IKBKE: variants seen among roughly 807,000 people sequenced by gnomAD.
IKBKE encodes the protein inhibitor of nuclear factor kappa-B kinase subunit epsilon.
Under a neutral mutation model 92.1 loss-of-function variants are expected in IKBKE, and 45 were observed. That is an observed-to-expected ratio of 0.49 (90% confidence interval 0.38 to 0.63). IKBKE has a LOEUF of 0.63. Among genes scored for constraint, IKBKE ranks in the 20% least tolerant of loss-of-function variants. The pLI, the probability that IKBKE is intolerant of heterozygous loss-of-function variation, is 0.00. For synonymous variants in IKBKE, 374 were observed against 380.3 expected, an observed-to-expected ratio of 0.98 and a Z score of 0.19; for missense variants, 700 against 932.8, an observed-to-expected ratio of 0.75 and a Z score of 3.25.
chr1:206,491,039 G>C (rs942226758), intron 17 of IKBKE, 181 bp downstream of exon 17: 1 of 638,854 alleles, frequency 1.6e-6, no homozygotes, highest in Non-Finnish European at 2.8e-6. Flanking sequence ...TAGTTGGAGG[G>C]AGACTTCTCA....
chr1:206,486,232 C>G (rs1257400000), intron 15 of IKBKE, among the ~76,000 whole-genome samples: 1 of 152,356 alleles, frequency 6.6e-6, no homozygotes, highest in South Asian at 2.1e-4. Flanking sequence ...GTGTGGGTAC[C>G]AAATTGCCTT....
At chr1:206,474,507 C>G (rs782392155) in intron 4 of IKBKE, 36 bp downstream of exon 4, 1 of 1,585,150 alleles carries the variant, frequency 6.3e-7, no homozygotes, top group South Asian at 1.1e-5. Context: ...TGGTCTTGTC[C>G]TTGACCCTTA....
intron 2 of IKBKE, among the ~76,000 whole-genome samples, chr1:206,472,024 C>T (rs570821942): frequency 5.3e-4 from 80 of 152,268 alleles, no homozygotes; most frequent in African/African-American, 1.9e-3. Context: ...CCCATGTGGC[C>T]GGATTGCCTG....
At chr1:206,472,869 T>A (rs1158824215) in intron 2 of IKBKE, 2 of 309,986 alleles carry the variant, frequency 6.5e-6, no homozygotes, top group African/African-American at 2.3e-5. Context: ...TGGGGAGAGG[T>A]GGTAGAGACA....
chr1:206,489,218 CAT>C (rs1301691847), intron 16 of IKBKE, among the ~76,000 whole-genome samples: 11 of 147,094 alleles, frequency 7.5e-5, no homozygotes, highest in African/African-American at 2.0e-4. Flanking sequence ...TTATATTTCA[CAT>C]ATATATATAT....
In IKBKE at chr1:206,494,594, T is replaced by C. The variant is rs868963552; in HGVS notation, c.2117+603T>C. 6.9e-3 allele frequency among the ~76,000 whole-genome samples: 586 copies of C among 85,376 alleles called. 5 individuals carry two copies. Among genetic ancestry groups the C allele is most frequent in the Non-Finnish European group, 8.9e-3 (403 of 45,210 alleles). 56.0% of individuals were successfully genotyped at this position (85,376 alleles called of 152,430 possible). On this transcript the variant is annotated intron_variant, in intron 21 of 21. Coordinates refer to ENST00000581977, the MANE Select transcript of IKBKE (RefSeq NM_014002.4). Reference sequence around the variant, plus strand: ...TTGCATACCAGTAAAAGTTCTTTCTTTTTTTTTTTTTTTTTTTTTTTTTTT... The same window carrying C: ...TTGCATACCAGTAAAAGTTCTTTCTCTTTTTTTTTTTTTTTTTTTTTTTTT...
rs1342059956 is a variant in IKBKE, at chr1:206,485,567, G to A, written c.1616+261G>A. 3.3e-5 allele frequency among the ~76,000 whole-genome samples: 5 copies of A among 152,206 alleles called. No individual in the cohort carries two copies. Among genetic ancestry groups the A allele is most frequent in the Admixed American group, 2.6e-4 (4 of 15,286 alleles). On this transcript the variant is annotated intron_variant, in intron 15 of 21. Transcript: ENST00000581977. The surrounding 1 kb of genome is among the most constrained non-coding windows in gnomAD (Gnocchi z 5.0). ...GAATGCCTCGGGAATCTTAGCAGGT[G>A]CTATAATTCTGAATAAAAGAAGACT...
At chr1:206,475,161 T>C (rs1160247046) in intron 5 of IKBKE, 167 bp downstream of exon 5, 1 of 683,074 alleles carries the variant, frequency 1.5e-6, no homozygotes, top group Non-Finnish European at 2.3e-6. Context: ...CAGCATTATT[T>C]ACAATAGCCA....
Position 206,485,199 on chromosome 1 carries a change from G to A in IKBKE, c.1509G>A (p.Ala503=), listed in dbSNP as rs782137784. The change falls in exon 15 of 22, where the codon GCG becomes GCA. Residue 503 remains alanine (A), a synonymous_variant. Transcript: ENST00000581977. This position sits in a 1 kb window ranked among gnomAD's most constrained non-coding sequence, Gnocchi z 5.0. ...AELRSRLRTL[A]EVLSRCSQNI... is the part of the protein sequence containing the mutation. ...TCTGCCTTTGTGCCCCACAGCTAGC[G>A]GAGGTCCTCTCCAGATGCTCCCAAA... The A allele has an allele frequency of 1.1e-5, 17 of 1,611,940 alleles. No homozygotes were observed. The highest frequency in any genetic ancestry group is 1.3e-5 in the Non-Finnish European group (15 of 1,178,126).
At chr1:206,491,817 A>G in intron 18 of IKBKE, 68 bp downstream of exon 18, 1 of 1,177,372 alleles carries the variant, frequency 8.5e-7, no homozygotes, top group Non-Finnish European at 1.3e-6. Context: ...CAGAGGACCC[A>G]GGGCTTTGTG....
chr1:206,477,028 CTG>C (rs1665105351), intron 7 of IKBKE, among the ~76,000 whole-genome samples, 190 bp downstream of exon 7: 2 of 152,312 alleles, frequency 1.3e-5, no homozygotes, highest in Admixed American at 6.5e-5. Context: ...CTGCCCAGGG[CTG>C]ATGGGAGTCT....
intron 13 of IKBKE, 68 bp from the exon 14 acceptor site, chr1:206,484,929 G>A (rs781854807): frequency 2.6e-4 from 331 of 1,257,382 alleles, no homozygotes; most frequent in Non-Finnish European, 3.3e-4. Flanking sequence ...TGCCAACAGA[G>A]CTCTCTGCCT....
chr1:206,475,257 C>T (rs1553384955), intron 5 of IKBKE: 2 of 480,684 alleles, frequency 4.2e-6, no homozygotes, highest in African/African-American at 3.9e-5. Context: ...GAAAGAAATT[C>T]TGACACCTGC....
At position 206,485,007 on chromosome 1, in the gene IKBKE, G is replaced by T; in HGVS notation, c.1438G>T (p.Val480Leu). 6.2e-7 allele frequency: 1 copy of T among 1,613,986 alleles called. No individual in the cohort carries two copies. Among genetic ancestry groups the T allele is most frequent in the Non-Finnish European group, 8.5e-7 (1 of 1,179,956 alleles). Residue 480 changes from valine to leucine, a missense_variant, in exon 14 of 22, where the codon GTG becomes TTG. Transcript: ENST00000581977. The surrounding 1 kb of genome is among the most constrained non-coding windows in gnomAD (Gnocchi z 5.0). ...SSLGTERFSS[V>L]AGTPEIQELK... ...TTTGCTTCCCTCAAGGTTCAGCAGC[G>T]TGGCTGGAACGCCTGAGATCCAGGA...
chr1:206,479,895 C>A lies in IKBKE; in HGVS notation c.1209C>A (p.Val403=), dbSNP rs2103462672. The A allele has an allele frequency of 6.2e-7, 1 of 1,613,934 alleles. No homozygotes were observed. Among genetic ancestry groups the A allele is most frequent in the Non-Finnish European group, 8.5e-7 (1 of 1,179,984 alleles). The change falls in exon 11 of 22, where the codon GTC becomes GTA. Residue 403 remains valine (V), a synonymous_variant. Transcript: ENST00000581977. ...CTGCTCTGGACGTCCCCAAGTTCGT[C>A]CCCAAAGTGGACCTGCAGGCGGATT... ...RDPALDVPKF[V]PKVDLQADYN...
intron 16 of IKBKE, among the ~76,000 whole-genome samples, chr1:206,488,616 G>A (rs1553389406): frequency 6.6e-6 from 1 of 152,118 alleles, no homozygotes; most frequent in African/African-American, 2.4e-5. Context: ...GAGGGAGCCT[G>A]CGGAGGCTCC....
At chr1:206,495,865 G>A (rs1380811553) in intron 21 of IKBKE, among the ~76,000 whole-genome samples, 2 of 152,202 alleles carry the variant, frequency 1.3e-5, no homozygotes, top group Non-Finnish European at 2.9e-5. Context: ...ACAAATGCCT[G>A]GGTCTTGCCC....
In IKBKE at chr1:206,496,249, A is replaced by G; in HGVS notation, c.*104A>G. The G allele has an allele frequency of 4.3e-6, 4 of 920,110 alleles. No individual in the cohort carries two copies. Among genetic ancestry groups the G allele is most frequent in the Non-Finnish European group, 7.2e-6 (4 of 555,980 alleles). 57.0% of individuals were successfully genotyped at this position (920,110 alleles called of 1,614,324 possible). On this transcript the variant is annotated 3_prime_UTR_variant, in exon 22 of 22. Transcript: ENST00000581977. The stretch of plus-strand genomic sequence containing the variant: ...GGGCAAGATCCCATCCCATCACATC[A>G]GCCTACCTCCCTCCTGGCTGCTGGC...
intron 21 of IKBKE, among the ~76,000 whole-genome samples, chr1:206,494,601 T>C (rs113433904): frequency 0.042 from 5,184 of 123,220 alleles, 170 homozygotes; most frequent in Non-Finnish European, 0.07. Context: ...TCTTTTTTTT[T>C]TTTTTTTTTT....
Sources: gnomAD v4.1 joint callset for allele counts (sites outside exome capture counted in the v4.1 genomes callset) on GRCh38, gnomAD v4.1.1 for gene constraint, Gnocchi (gnomAD v3.1) non-coding constraint, MANE v1.5 for transcripts, NCBI Gene and HGNC (gene_info 2026-07-23, HGNC 2026-07-21) for gene names.